The following ELAVL4 variants were observed in gnomAD, a reference collection of about 807,000 sequenced individuals.
ELAVL4 encodes ELAV-like protein 4.
A neutral mutation model predicts 35.6 loss-of-function variants in ELAVL4; 1 was observed. The ratio of observed to expected loss-of-function variants is 0.03; its 90% confidence interval spans 0.01 to 0.13. The LOEUF is 0.13. Ranked by LOEUF, ELAVL4 falls within the 10% of genes least tolerant of loss-of-function variation. The probability of loss-of-function intolerance (pLI) is 1.00; values close to 1 mark genes in which losing one functional copy is unlikely to be tolerated. For missense variants in ELAVL4, 267 were observed against 464.9 expected (o/e 0.57, Z 3.91); for synonymous variants, 156 against 171.0 (o/e 0.91, Z 0.69).
At chr1:50,140,662 A>G (rs1672667383) in intron 1 of ELAVL4, among the ~76,000 whole-genome samples, 1 of 151,986 alleles carries the variant, frequency 6.6e-6, no homozygotes, top group East Asian at 1.9e-4. Context: ...GGGTCTTATT[A>G]TAGGATGTAT....
intron 2 of ELAVL4, among the ~76,000 whole-genome samples, chr1:50,149,500 T>C (rs1674359569): frequency 6.6e-6 from 1 of 151,772 alleles, no homozygotes; most frequent in South Asian, 2.1e-4. Context: ...AAAAGAATTG[T>C]ATTTTTACTT....
chr1:50,156,505 G>C (rs777668210), intron 2 of ELAVL4, among the ~76,000 whole-genome samples: 4 of 152,142 alleles, frequency 2.6e-5, no homozygotes, highest in Non-Finnish European at 5.9e-5. Flanking sequence ...TTCAATCCTA[G>C]GTTATGTAAT....
At chr1:50,053,579 G>A (rs1663506952) in intron 1 of ELAVL4, among the ~76,000 whole-genome samples, 1 of 152,034 alleles carries the variant, frequency 6.6e-6, no homozygotes, top group Admixed American at 6.6e-5. Context: ...CAAACTCCTG[G>A]CCTCAAGTGA....
chr1:50,107,394 C>A (rs946523447), upstream of ELAVL4, among the ~76,000 whole-genome samples: 3 of 152,108 alleles, frequency 2.0e-5, no homozygotes, highest in Admixed American at 6.5e-5. Flanking sequence ...ATGCAGTGTA[C>A]CCAACACATA....
intron 1 of ELAVL4, among the ~76,000 whole-genome samples, chr1:50,073,884 A>G (rs1248359581): frequency 2.6e-5 from 4 of 152,204 alleles, no homozygotes; most frequent in African/African-American, 9.6e-5. Context: ...GAAACTCTAG[A>G]CTTTCAGATA....
intron 2 of ELAVL4, among the ~76,000 whole-genome samples, chr1:50,168,404 G>A (rs532947862): frequency 1.3e-5 from 2 of 152,076 alleles, no homozygotes; most frequent in African/African-American, 4.8e-5. Flanking sequence ...CTTTAGTTGC[G>A]GGTCAGCCAC....
chr1:50,116,413 C>T (rs4997076), intron 1 of ELAVL4, among the ~76,000 whole-genome samples: 1,920 of 143,374 alleles, frequency 0.013, 37 homozygotes, highest in African/African-American at 0.037. Flanking sequence ...TGTGTGTGTG[C>T]GTGTGTGTGT....
chr1:50,081,842 CT>C (rs1167107502), intron 1 of ELAVL4, among the ~76,000 whole-genome samples: 1 of 152,094 alleles, frequency 6.6e-6, no homozygotes, highest in African/African-American at 2.4e-5. Context: ...CCCCCACCCC[CT>C]GACAGGCCCT....
chr1:50,106,813 T>C (rs943930483), upstream of ELAVL4, among the ~76,000 whole-genome samples: 1 of 152,200 alleles, frequency 6.6e-6, no homozygotes, highest in African/African-American at 2.4e-5. Context: ...ATTTTTAGCC[T>C]AGCAAAACCA....
At chr1:50,145,229 A>G (rs749002512) in intron 2 of ELAVL4, 32 bp downstream of exon 2, 19 of 1,612,102 alleles carry the variant, frequency 1.2e-5, no homozygotes, top group Non-Finnish European at 1.6e-5. Context: ...ATGTTGTTCC[A>G]TTAGATGTGC....
intron 1 of ELAVL4, among the ~76,000 whole-genome samples, chr1:50,051,759 G>A (rs1663397482): frequency 6.6e-6 from 1 of 152,110 alleles, no homozygotes. Flanking sequence ...AGAACAATAT[G>A]ATGAGATGAA....
chr1:50,053,634 T>C (rs1663510205), intron 1 of ELAVL4, among the ~76,000 whole-genome samples: 2 of 152,128 alleles, frequency 1.3e-5, no homozygotes, highest in African/African-American at 4.8e-5. Context: ...ATAGGCAAGA[T>C]TGATTGATAG....
At chr1:50,107,124 C>A (rs182213162), upstream of ELAVL4, among the ~76,000 whole-genome samples, 2 of 152,244 alleles carry the variant, frequency 1.3e-5, no homozygotes, top group Admixed American at 1.3e-4. Context: ...GGCACACATA[C>A]CTACTCTGTG....
chr1:50,151,826 G>A (rs1674840845), intron 2 of ELAVL4, among the ~76,000 whole-genome samples: 1 of 152,144 alleles, frequency 6.6e-6, no homozygotes, highest in African/African-American at 2.4e-5. Flanking sequence ...GTTGACTCGG[G>A]AAGAGGGGGT....
upstream of ELAVL4, chr1:50,103,926 T>G: frequency 6.2e-7 from 1 of 1,613,704 alleles, no homozygotes; most frequent in Non-Finnish European, 8.5e-7. Context: ...CTTGGAGTTT[T>G]GTGCTGTTGC....
intron 1 of ELAVL4, among the ~76,000 whole-genome samples, chr1:50,070,148 G>T (rs1664445800): frequency 6.6e-6 from 1 of 152,148 alleles, no homozygotes; most frequent in Non-Finnish European, 1.5e-5. Flanking sequence ...TAATGGTGTT[G>T]GACATAGAAG....
At chr1:50,137,505 C>CA (rs1325230130) in intron 1 of ELAVL4, among the ~76,000 whole-genome samples, 6 of 145,842 alleles carry the variant, frequency 4.1e-5, no homozygotes, top group East Asian at 4.0e-4. Context: ...GAGACCCAGT[C>CA]AAAAAAAAGG....
chr1:50,050,728 G>A (rs1663312296), intron 1 of ELAVL4, among the ~76,000 whole-genome samples: 1 of 152,092 alleles, frequency 6.6e-6, no homozygotes, highest in Non-Finnish European at 1.5e-5. Flanking sequence ...AAATTGAAAT[G>A]TTTTATTTGA....
intron 1 of ELAVL4, among the ~76,000 whole-genome samples, chr1:50,117,734 A>T (rs1393030074): frequency 6.6e-6 from 1 of 152,144 alleles, no homozygotes; most frequent in East Asian, 1.9e-4. Flanking sequence ...GTCCCTTGGC[A>T]AAAGCCCTTC....
Sources: allele counts gnomAD v4.1 joint callset (sites outside exome capture counted in the v4.1 genomes callset), GRCh38; gene constraint gnomAD v4.1.1; transcripts MANE v1.5; gene names NCBI Gene and HGNC (gene_info 2026-07-23, HGNC 2026-07-21).